SNRNP48: variants seen among roughly 807,000 people sequenced by gnomAD.
SNRNP48 encodes small nuclear ribonucleoprotein U11/U12 subunit 48.
SNRNP48 carries 43 observed loss-of-function variants against 47.0 expected under a neutral mutation model. The observed-to-expected ratio is 0.92, with a 90% CI of 0.72 to 1.18. The LOEUF is 1.18. Among genes scored for constraint, SNRNP48 ranks in the 50% most tolerant of loss-of-function variants. SNRNP48 has a pLI of 0.00. For missense variants in SNRNP48, 396 were observed against 422.2 expected (o/e 0.94, Z 0.54); for synonymous variants, 138 against 144.0 (o/e 0.96, Z 0.30).
At chr6:7,605,969 G>A (rs2113723375) in intron 7 of SNRNP48, 62 bp from the exon 8 acceptor site, 3 of 1,500,276 alleles carry the variant, frequency 2.0e-6, no homozygotes, top group Admixed American at 2.2e-5. Context: ...TGGTGTGTCT[G>A]TGTACGTATA....
chr6:7,592,779 G>A (rs551162514), intron 1 of SNRNP48, among the ~76,000 whole-genome samples: 6 of 151,994 alleles, frequency 3.9e-5, no homozygotes, highest in Non-Finnish European at 7.4e-5. Context: ...GTCAGGAGAT[G>A]GTGTTGTATT....
chr6:7,593,674 G>A (rs1759855145), intron 1 of SNRNP48, 60 bp from the exon 2 acceptor site: 1 of 1,067,082 alleles, frequency 9.4e-7, no homozygotes, highest in South Asian at 1.8e-5. Flanking sequence ...AACATTTAAT[G>A]GTAATTATTT....
chr6:7,606,982 C>T (rs2113724176), intron 8 of SNRNP48, among the ~76,000 whole-genome samples: 1 of 152,314 alleles, frequency 6.6e-6, no homozygotes, highest in East Asian at 1.9e-4. Context: ...CATATGATTC[C>T]ATTCCCTTGT....
chr6:7,608,680 T>TGATA (rs1305061432), intron 8 of SNRNP48, 145 bp from the exon 9 acceptor site: 12 of 396,378 alleles, frequency 3.0e-5, no homozygotes, highest in African/African-American at 2.1e-4. Flanking sequence ...TATATGTAAA[T>TGATA]GATAACCAGA....
chr6:7,597,451 T>C (rs965121554), intron 4 of SNRNP48, among the ~76,000 whole-genome samples: 6 of 152,228 alleles, frequency 3.9e-5, no homozygotes, highest in African/African-American at 1.4e-4. Context: ...GAAATAAAAG[T>C]AGCTGCTTGG....
At chr6:7,608,490 G>A (rs1760174040) in intron 8 of SNRNP48, among the ~76,000 whole-genome samples, 1 of 152,036 alleles carries the variant, frequency 6.6e-6, no homozygotes, top group Admixed American at 6.6e-5. Context: ...GGAGGCGAAG[G>A]TTGCAGTGAG....
At chr6:7,608,162 A>G (rs944438801) in intron 8 of SNRNP48, among the ~76,000 whole-genome samples, 1 of 152,214 alleles carries the variant, frequency 6.6e-6, no homozygotes, top group African/African-American at 2.4e-5. Flanking sequence ...ACTGAATTAT[A>G]GGGACTTTGT....
chr6:7,608,607 G>A (rs959259367), intron 8 of SNRNP48, among the ~76,000 whole-genome samples: 2 of 151,932 alleles, frequency 1.3e-5, no homozygotes, highest in Admixed American at 6.6e-5. Context: ...ACTGAAATAG[G>A]AATAATCAAA....
chr6:7,599,889 A>G, intron 4 of SNRNP48: 1 of 1,015,278 alleles, frequency 9.8e-7, no homozygotes, highest in Non-Finnish European at 1.2e-6. Context: ...AGATGAATAA[A>G]TTGAAGAAAA....
rs143226311 is a variant in SNRNP48, at chr6:7,601,411, G to A, written c.482G>A (p.Arg161His). Residue 161 changes from arginine to histidine, a missense_variant, in exon 5 of 9, where the codon CGT becomes CAT. By Grantham distance (29) the Arg-to-His change is conservative (BLOSUM62 0). Transcript: ENST00000342415. ...GTTTGTGATCTAACTCAAGCTGATC[G>A]TCTTGCCCTCTATGATTTCGTAGTT... ...RFVCDLTQAD[R>H]LALYDFVVEE... The A allele has an allele frequency of 4.4e-5, 71 of 1,603,034 alleles. No individual in the cohort carries two copies. The African/African-American group carries it at 8.2e-4, about 19-fold the overall frequency.
intron 7 of SNRNP48, 136 bp from the exon 8 acceptor site, chr6:7,605,895 A>C (rs112613316): frequency 1.6e-5 from 16 of 970,650 alleles, no homozygotes; most frequent in African/African-American, 1.5e-4. Context: ...TATATGGGTT[A>C]TAAGATTGTG....
chr6:7,598,502 GA>G lies in SNRNP48; in HGVS notation c.407-2825del, dbSNP rs542730793. ...AGGGTGAGACTCTGTCTCAAAAAAA[GA>G]AAAAAAAATTTTTTTTTATATCCTC... On this transcript the variant is annotated intron_variant, in intron 4 of 8. Transcript: ENST00000342415. 3.2e-3 allele frequency among the ~76,000 whole-genome samples: 482 copies of G among 151,498 alleles called. 3 individuals are homozygous for G. Among genetic ancestry groups the G allele is most frequent in the South Asian group, 0.018 (87 of 4,782 alleles).
In SNRNP48 at chr6:7,602,671, TA is replaced by T; in HGVS notation, c.645del (p.Arg216GlufsTer17). ...TCCTACCTTGAAATCCTGGCAGAAG[TA>T]CGAGATTATAAAAGAAGACGCCAGT... The part of the protein sequence containing the change: ...PKSYLEILAE[V>X]RDYKRRRQSY... On this transcript the variant is annotated frameshift_variant, in exon 6 of 9. Coordinates refer to ENST00000342415, the MANE Select transcript of SNRNP48 (RefSeq NM_152551.4). LOFTEE classifies it high-confidence loss of function. 6.2e-7 allele frequency: 1 copy of T among 1,607,446 alleles called. No homozygotes were observed.
chr6:7,599,718 C>CT, intron 4 of SNRNP48: 3 of 1,283,300 alleles, frequency 2.3e-6, no homozygotes, highest in Non-Finnish European at 3.0e-6. Flanking sequence ...GAATGTACTC[C>CT]TTATTTAAAG....
intron 4 of SNRNP48, among the ~76,000 whole-genome samples, chr6:7,597,240 G>C (rs541864059): frequency 2.2e-4 from 34 of 152,252 alleles, no homozygotes; most frequent in African/African-American, 7.7e-4. Context: ...CACAAACTCT[G>C]AACTGAGTTG....
intron 8 of SNRNP48, among the ~76,000 whole-genome samples, chr6:7,607,901 T>G (rs939098019): frequency 1.6e-4 from 24 of 152,240 alleles, no homozygotes; most frequent in Non-Finnish European, 3.2e-4. Flanking sequence ...ACCTATGACT[T>G]AGTCCTTTTC....
chr6:7,608,748 C>A, intron 8 of SNRNP48, 77 bp from the exon 9 acceptor site: 1 of 799,816 alleles, frequency 1.3e-6, no homozygotes, highest in Non-Finnish European at 1.9e-6. Context: ...TGGTGTATTA[C>A]TGTTGAATTA....
intron 6 of SNRNP48, among the ~76,000 whole-genome samples, chr6:7,604,809 CTGTA>C (rs1760093224): frequency 6.6e-6 from 1 of 152,074 alleles, no homozygotes; most frequent in African/African-American, 2.4e-5. Flanking sequence ...TGTGAAGTGA[CTGTA>C]TGTTTCATAT....
Position 7,609,662 on chromosome 6 carries a change from CT to C in SNRNP48, c.*792del, listed in dbSNP as rs1400783899. Reference sequence around the variant, plus strand: ...GGATTGGGAGGGTGGTCAGAGGGAACTTTAGCTTTATCCATAACATTAATTT... The same window carrying C: ...GGATTGGGAGGGTGGTCAGAGGGAACTTAGCTTTATCCATAACATTAATTT... On this transcript the variant is annotated 3_prime_UTR_variant, in exon 9 of 9. Coordinates refer to ENST00000342415, the MANE Select transcript of SNRNP48 (RefSeq NM_152551.4). 6.6e-6 allele frequency: 1 copy of C among 151,834 alleles called. No individual in the cohort carries two copies. Among genetic ancestry groups the C allele is most frequent in the Admixed American group, 6.6e-5 (1 of 15,246 alleles). The allele number at this position is 151,834 out of a possible 1,614,324, so 9.4% of individuals were successfully genotyped here.
Sources: allele counts gnomAD v4.1 joint callset (sites outside exome capture counted in the v4.1 genomes callset), GRCh38; gene constraint gnomAD v4.1.1; transcripts MANE v1.5; gene names NCBI Gene and HGNC (gene_info 2026-07-23, HGNC 2026-07-21).